Variants in PLIN3 observed in about 807,000 individuals in gnomAD.
PLIN3 encodes the protein perilipin 3.
In PLIN3, 30 loss-of-function variants were observed where a neutral mutation model predicts 35.9. That is an observed-to-expected ratio of 0.84 (90% CI 0.62 to 1.13). PLIN3 has a LOEUF of 1.13. Ranked by LOEUF, PLIN3 falls within the 50% of genes most tolerant of loss-of-function variation. The pLI, the probability that PLIN3 is intolerant of heterozygous loss-of-function variation, is 0.00. For synonymous variants in PLIN3, 261 were observed against 262.5 expected (o/e 0.99, Z 0.06); for missense variants, 603 against 596.9 (o/e 1.01, Z -0.11).
intron 4 of PLIN3, among the ~76,000 whole-genome samples, chr19:4,858,797 G>T (rs1278423931): frequency 6.7e-6 from 1 of 148,834 alleles, no homozygotes; most frequent in Non-Finnish European, 1.5e-5. Flanking sequence ...CGCCTCCAGG[G>T]TTCAAGAAAT....
intron 5 of PLIN3, 149 bp downstream of exon 5, chr19:4,851,867 T>G (rs748126882): frequency 1.1e-4 from 86 of 801,498 alleles, no homozygotes; most frequent in Non-Finnish European, 1.6e-4. Flanking sequence ...CAGAGGGGAC[T>G]GCGTTAGTGA....
rs2093624569 is a variant in PLIN3, at chr19:4,839,051, G to A, written c.*141C>T. ...GTCAACTGGGTGATGCCCGTTTTGA[G>A]AGCCTTAGCTTCCCAAGTGGACAGC... On this transcript the variant is annotated 3_prime_UTR_variant, in exon 8 of 8. Coordinates refer to ENST00000221957, the MANE Select transcript of PLIN3 (RefSeq NM_005817.5). 2 of 639,618 alleles carry A rather than the reference G, an allele frequency of 3.1e-6. No individual in the cohort carries two copies. Among genetic ancestry groups the A allele is most frequent in the Non-Finnish European group, 5.2e-6 (2 of 385,582 alleles). The allele number at this position is 639,618 out of a possible 1,614,324, so 39.6% of individuals were successfully genotyped here.
chr19:4,839,498 A>G lies in PLIN3; in HGVS notation c.999T>C (p.Ile333=). Residue 333 remains isoleucine (I), a synonymous_variant, in exon 8 of 8, where the codon ATT becomes ATC. Transcript: ENST00000221957. ...ESRALTMFRD[I]AQQLQATCTS... is the part of the protein sequence containing the mutation. ...TACAGGTGGCCTGCAGTTGCTGGGC[A>G]ATGTCCCGGAACATGGTGAGCGCCC... 6.5e-7 allele frequency: 1 copy of G among 1,544,784 alleles called. No homozygotes were observed. The highest frequency in any genetic ancestry group is 8.8e-7 in the Non-Finnish European group (1 of 1,140,536).
chr19:4,850,516 G>A (rs1434683237), intron 5 of PLIN3, among the ~76,000 whole-genome samples: 2 of 151,060 alleles, frequency 1.3e-5, no homozygotes, highest in Non-Finnish European at 2.9e-5. Context: ...CGCCTCCCAG[G>A]TTCATGCCAT....
chr19:4,848,892 A>G (rs2030194517), intron 5 of PLIN3, among the ~76,000 whole-genome samples: 1 of 152,126 alleles, frequency 6.6e-6, no homozygotes, highest in Non-Finnish European at 1.5e-5. Context: ...ATGACATTTC[A>G]GCCAACAATG....
Position 4,861,390 on chromosome 19 carries a change from G to A in PLIN3, c.5C>T (p.Ser2Phe). M[S>F]ADGAEADGST... ...GCCATCAGCCTCTGCCCCGTCGGCA[G>A]ACATGGTCTCTGCAGCAGACGCTGA... The change falls in exon 2 of 8, where the codon TCT becomes TTT. Residue 2 changes from serine to phenylalanine, a missense_variant. Coordinates refer to ENST00000221957, the MANE Select transcript of PLIN3 (RefSeq NM_005817.5). 1 of 1,612,760 alleles carries A rather than the reference G, an allele frequency of 6.2e-7. No individual in the cohort carries two copies.
Position 4,838,624 on chromosome 19 carries a change from A to AGG in PLIN3, c.*566_*567dup, listed in dbSNP as rs1463821240. 1 of 140,982 alleles carries AGG rather than the reference A, an allele frequency of 7.1e-6. No homozygotes were observed. Among genetic ancestry groups the AGG allele is most frequent in the African/African-American group, 2.7e-5 (1 of 37,122 alleles). 8.7% of individuals were successfully genotyped at this position (140,982 alleles called of 1,614,324 possible). A position where few individuals can be genotyped will look rare whatever the true frequency, so the allele number is the denominator to read the frequency against. The stretch of plus-strand genomic sequence containing the variant: ...AGACTAAGTCTCACTCTTGTCCCCC[A>AGG]GGCTGGAGTGCAATGGCGCGATCTT... On this transcript the variant is annotated 3_prime_UTR_variant, in exon 8 of 8. Coordinates refer to ENST00000221957, the MANE Select transcript of PLIN3 (RefSeq NM_005817.5).
At chr19:4,859,720 A>G in intron 3 of PLIN3, 48 bp from the exon 4 acceptor site, 1 of 1,600,458 alleles carries the variant, frequency 6.2e-7, no homozygotes, top group Non-Finnish European at 8.6e-7. Flanking sequence ...AAGGTCACCT[A>G]GTAATGGTTC....
At position 4,859,760 on chromosome 19, in the gene PLIN3, C is replaced by G. The variant is rs560198401; in HGVS notation, c.265+66G>C. ...GGACAGGACCAAGAGCTGGGTAGAC[C>G]CCCCTACTCCCCACCCAGGGAAATG... On this transcript the variant is annotated intron_variant, in intron 3 of 7. Transcript: ENST00000221957. 5.2e-5 allele frequency: 83 copies of G among 1,595,164 alleles called. No homozygotes were observed. The African/African-American group carries it at 8.0e-4, about 15-fold the overall frequency.
intron 4 of PLIN3, among the ~76,000 whole-genome samples, chr19:4,859,091 G>A (rs2030579203): frequency 6.6e-6 from 1 of 152,160 alleles, no homozygotes; most frequent in South Asian, 2.1e-4. Flanking sequence ...TGTGTAAAGG[G>A]CCACGTAACT....
rs1287993869 is a variant in PLIN3 at position 4,862,756 on chromosome 19, C to T, written c.-17-1345G>A. Among the ~76,000 whole-genome samples the T allele has an allele frequency of 5.9e-5, 9 of 152,268 alleles. No homozygotes were observed. The South Asian group carries it at 6.2e-4, about 11-fold the overall frequency. On this transcript the variant is annotated intron_variant, in intron 1 of 7. Transcript: ENST00000221957. ...TCCCCTTGACCCAGAAACCTCACTT[C>T]GGGGAAGAACCCACACCTGTGTTTC...
Position 4,856,482 on chromosome 19 carries a change from C to T in PLIN3, c.348+3108G>A, listed in dbSNP as rs535452090. ...CTGAGGCAGGAGAATCGCTTGAGCCCGAGAGGCGGAGGTTGCAGTGAGCCG... is the reference window on the plus strand; with the variant it reads ...CTGAGGCAGGAGAATCGCTTGAGCCTGAGAGGCGGAGGTTGCAGTGAGCCG... On this transcript the variant is annotated intron_variant, in intron 4 of 7. Coordinates refer to ENST00000221957, the MANE Select transcript of PLIN3 (RefSeq NM_005817.5). 7.9e-5 allele frequency among the ~76,000 whole-genome samples: 12 copies of T among 151,688 alleles called. No individual in the cohort carries two copies. The East Asian group carries it at 2.0e-3, about 25-fold the overall frequency.
intron 4 of PLIN3, among the ~76,000 whole-genome samples, chr19:4,856,210 G>A (rs991465247): frequency 6.6e-6 from 1 of 152,078 alleles, no homozygotes; most frequent in Admixed American, 6.6e-5. Context: ...GTACCCGAGG[G>A]TGGCCCTTCT....
chr19:4,849,372 A>C lies in PLIN3; in HGVS notation c.635-1482T>G, dbSNP rs188642510. Among the ~76,000 whole-genome samples, 849 of 151,984 alleles carry C rather than the reference A, an allele frequency of 5.6e-3. 10 individuals carry two copies. Among genetic ancestry groups the C allele is most frequent in the South Asian group, 0.034 (166 of 4,814 alleles). On this transcript the variant is annotated intron_variant, in intron 5 of 7. Transcript: ENST00000221957. ...GCCCAGGCTGGAGTGCAGCGGTGCA[A>C]TCATAGCTCACTGTAGCCTTGAACT...
chr19:4,848,136 A>C (rs777637268), intron 5 of PLIN3, among the ~76,000 whole-genome samples: 5 of 152,114 alleles, frequency 3.3e-5, no homozygotes, highest in Non-Finnish European at 7.3e-5. Context: ...GGCGCCCGCC[A>C]CCATGCCCAG....
chr19:4,847,886 G>A lies in PLIN3; in HGVS notation c.639C>T (p.Arg213=), dbSNP rs1195086309. Residue 213 remains arginine (R), a synonymous_variant, in exon 6 of 8, where the codon CGC becomes CGT. Transcript: ENST00000221957. ...CAAAGCCATCCAGGGATGTGGCGAT[G>A]CGGGCTGCAAGGAAAAGGAGAAGGG... ...HLPLTDAELA[R]IATSLDGFDV... is the part of the protein sequence containing the mutation. 1.9e-6 allele frequency: 3 copies of A among 1,612,808 alleles called. No homozygotes were observed. Among genetic ancestry groups the A allele is most frequent in the Non-Finnish European group, 1.7e-6 (2 of 1,179,402 alleles).
intron 2 of PLIN3, among the ~76,000 whole-genome samples, chr19:4,860,737 G>A (rs952222833): frequency 1.3e-5 from 2 of 152,164 alleles, no homozygotes; most frequent in East Asian, 3.9e-4. Context: ...TTGGGAGACC[G>A]AGGCGGGTGG....
In PLIN3 at chr19:4,859,929, C is replaced by G. The variant is rs774224377; in HGVS notation, c.162G>C (p.Pro54=). Reference sequence around the variant, plus strand: ...CTGCGTCGCAGACAGTCTTGATGTGCGGGTAGCTCTCCTTGGTGGAGGCAT... The same window carrying G: ...CTGCGTCGCAGACAGTCTTGATGTGGGGGTAGCTCTCCTTGGTGGAGGCAT... ...AAYASTKESY[P]HIKTVCDAAE... Residue 54 remains proline, a synonymous_variant, in exon 3 of 8, where the codon CCG becomes CCC. Coordinates refer to ENST00000221957, the MANE Select transcript of PLIN3 (RefSeq NM_005817.5). 1.1e-5 allele frequency: 17 copies of G among 1,613,914 alleles called. No individual in the cohort carries two copies. Among genetic ancestry groups the G allele is most frequent in the Admixed American group, 8.3e-5 (5 of 59,976 alleles).
At chr19:4,858,528 C>G (rs1281619274) in intron 4 of PLIN3, among the ~76,000 whole-genome samples, 1 of 150,854 alleles carries the variant, frequency 6.6e-6, no homozygotes, top group African/African-American at 2.4e-5. Context: ...CAGGCACACG[C>G]CACCACGCCA....
Sources: gnomAD v4.1 joint callset for allele counts (sites outside exome capture counted in the v4.1 genomes callset) on GRCh38, gnomAD v4.1.1 for gene constraint, MANE v1.5 for transcripts, NCBI Gene and HGNC (gene_info 2026-07-23, HGNC 2026-07-21) for gene names.